Variants in HS3ST5 observed in about 807,000 individuals in gnomAD.
HS3ST5 encodes the protein heparan sulfate glucosamine 3-O-sulfotransferase 5.
HS3ST5 carries 10 observed loss-of-function variants against 25.4 expected under a neutral mutation model. The observed-to-expected ratio is 0.39, with a 90% CI of 0.24 to 0.67. The LOEUF (loss-of-function observed/expected upper bound fraction) is 0.67, where lower values mean the gene tolerates loss of function less well. Ranked by LOEUF, HS3ST5 falls within the 30% of genes least tolerant of loss-of-function variation. HS3ST5 has a pLI of 0.44. For synonymous variants in HS3ST5, 170 were observed against 162.4 expected (o/e 1.05, Z -0.36); for missense variants, 324 against 420.7 (o/e 0.77, Z 2.01).
intron 3 of HS3ST5, among the ~76,000 whole-genome samples, chr6:114,126,433 C>A (rs191909490): frequency 7.4e-4 from 113 of 152,268 alleles, no homozygotes; most frequent in African/African-American, 2.5e-3. Context: ...ATGAAAAGCA[C>A]TATCTATACA....
chr6:114,223,751 A>G (rs1201914927), intron 2 of HS3ST5, among the ~76,000 whole-genome samples: 2 of 151,782 alleles, frequency 1.3e-5, no homozygotes, highest in Non-Finnish European at 3.0e-5. Flanking sequence ...AAAAAAATTT[A>G]GTGACTGGTT....
At chr6:114,258,351 T>A (rs560005229) in intron 1 of HS3ST5, among the ~76,000 whole-genome samples, 1 of 152,220 alleles carries the variant, frequency 6.6e-6, no homozygotes, top group South Asian at 2.1e-4. Flanking sequence ...TAAATCTACA[T>A]TTAGATTGAA....
In HS3ST5 at chr6:114,257,737, G is replaced by C. The variant is rs145754082; in HGVS notation, c.-338-28959C>G. 5.3e-3 allele frequency among the ~76,000 whole-genome samples: 807 copies of C among 151,808 alleles called. 10 individuals carry two copies. Among genetic ancestry groups the C allele is most frequent in the African/African-American group, 0.017 (696 of 41,400 alleles). The stretch of plus-strand genomic sequence containing the variant: ...ACGTATATTAGTTCTTCTTCTTCTT[G>C]TTGTTCTTTTTTTTTAATAAAAAGG... On this transcript the variant is annotated intron_variant, in intron 1 of 4. Coordinates refer to ENST00000312719, the MANE Select transcript of HS3ST5 (RefSeq NM_153612.4).
chr6:114,118,708 GTTC>G (rs552925778), intron 3 of HS3ST5, among the ~76,000 whole-genome samples: 68 of 152,304 alleles, frequency 4.5e-4, no homozygotes, highest in African/African-American at 1.5e-3. Flanking sequence ...GATGTTTACA[GTTC>G]TTCTTTCTGA....
At chr6:114,198,894 CT>C (rs1187216884) in intron 2 of HS3ST5, among the ~76,000 whole-genome samples, 1 of 152,084 alleles carries the variant, frequency 6.6e-6, no homozygotes, top group African/African-American at 2.4e-5. Context: ...ACACACACCT[CT>C]ATTCCCAGGT....
At chr6:114,273,626 G>A (rs1299586618) in intron 1 of HS3ST5, among the ~76,000 whole-genome samples, 5 of 152,030 alleles carry the variant, frequency 3.3e-5, no homozygotes, top group African/African-American at 1.2e-4. Context: ...AAACCTAGAG[G>A]GGTATGGCCT....
Position 114,117,049 on chromosome 6 carries a change from A to G in HS3ST5, c.-33+51302T>C, listed in dbSNP as rs115304513. On this transcript the variant is annotated intron_variant, in intron 3 of 4. Coordinates refer to ENST00000312719, the MANE Select transcript of HS3ST5 (RefSeq NM_153612.4). ...AATATCATCATCAAGAAATCAAGTCATCATTTTTACCAGGAATTCAAAATT... is the reference window on the plus strand; with the variant it reads ...AATATCATCATCAAGAAATCAAGTCGTCATTTTTACCAGGAATTCAAAATT... 7.3e-3 allele frequency among the ~76,000 whole-genome samples: 1,115 copies of G among 152,160 alleles called. 16 individuals carry two copies. Among genetic ancestry groups the G allele is most frequent in the African/African-American group, 0.025 (1,052 of 41,498 alleles).
At chr6:114,175,062 A>G (rs1184973280) in intron 2 of HS3ST5, among the ~76,000 whole-genome samples, 1 of 152,206 alleles carries the variant, frequency 6.6e-6, no homozygotes, top group Admixed American at 6.5e-5. Context: ...ATGCCATGCT[A>G]AGATTTGAGT....
chr6:114,200,856 C>T (rs1326604608), intron 2 of HS3ST5, among the ~76,000 whole-genome samples: 1 of 152,172 alleles, frequency 6.6e-6, no homozygotes, highest in Admixed American at 6.5e-5. Flanking sequence ...CTCATCAGCA[C>T]CTCAGAGAAC....
intron 1 of HS3ST5, among the ~76,000 whole-genome samples, chr6:114,340,088 T>G (rs1157786158): frequency 6.6e-6 from 1 of 152,204 alleles, no homozygotes; most frequent in Non-Finnish European, 1.5e-5. Flanking sequence ...AAGAAGGTTA[T>G]TCATTCAAAA....
At chr6:114,199,595 G>GAGTC (rs71025101) in intron 2 of HS3ST5, among the ~76,000 whole-genome samples, 152,036 of 152,270 alleles carry the variant, frequency 1, 75,902 homozygotes, top group Middle Eastern at 1. Flanking sequence ...TTAAAAATAA[G>GAGTC]AGAATCCTCC....
intron 3 of HS3ST5, among the ~76,000 whole-genome samples, chr6:114,134,542 G>T (rs908586167): frequency 6.6e-6 from 1 of 152,186 alleles, no homozygotes; most frequent in African/African-American, 2.4e-5. Context: ...TGAGAAGAAG[G>T]CAGCTTTGAT....
intron 1 of HS3ST5, among the ~76,000 whole-genome samples, chr6:114,334,338 T>C (rs988651162): frequency 6.6e-6 from 1 of 152,284 alleles, no homozygotes; most frequent in East Asian, 1.9e-4. Context: ...TCTCATCCTA[T>C]ATTGTTGCAT....
intron 1 of HS3ST5, among the ~76,000 whole-genome samples, chr6:114,292,254 A>T (rs75395893): frequency 6.6e-6 from 1 of 152,170 alleles, no homozygotes; most frequent in African/African-American, 2.4e-5. Flanking sequence ...TATTTCTTAC[A>T]GTTTTGGAAA....
chr6:114,329,400 C>G (rs905978238), intron 1 of HS3ST5, among the ~76,000 whole-genome samples: 4 of 152,178 alleles, frequency 2.6e-5, no homozygotes, highest in Non-Finnish European at 5.9e-5. Flanking sequence ...ATCTGCATGA[C>G]TAAAAGCAAT....
At chr6:114,113,473 G>A (rs1322564783) in intron 3 of HS3ST5, among the ~76,000 whole-genome samples, 1 of 151,854 alleles carries the variant, frequency 6.6e-6, no homozygotes, top group Non-Finnish European at 1.5e-5. Flanking sequence ...CCACCCAGGA[G>A]AGTTGTATTT....
chr6:114,133,396 C>T (rs1777441177), intron 3 of HS3ST5, among the ~76,000 whole-genome samples: 2 of 152,170 alleles, frequency 1.3e-5, no homozygotes, highest in African/African-American at 2.4e-5. Flanking sequence ...AGTAGATAGT[C>T]CTTGCTCCTC....
At chr6:114,260,025 A>C (rs530957261) in intron 1 of HS3ST5, among the ~76,000 whole-genome samples, 2 of 152,344 alleles carry the variant, frequency 1.3e-5, no homozygotes, top group South Asian at 2.1e-4. Context: ...TTTACACATA[A>C]GAATTCAGCC....
At chr6:114,323,185 T>C (rs1402566299) in intron 1 of HS3ST5, among the ~76,000 whole-genome samples, 2 of 152,086 alleles carry the variant, frequency 1.3e-5, no homozygotes, top group Admixed American at 6.6e-5. Flanking sequence ...TAAGGAGCCA[T>C]GCCCCAGAAT....
Sources: gnomAD v4.1 joint callset for allele counts (sites outside exome capture counted in the v4.1 genomes callset) on GRCh38, gnomAD v4.1.1 for gene constraint, MANE v1.5 for transcripts, NCBI Gene and HGNC (gene_info 2026-07-23, HGNC 2026-07-21) for gene names.